Variants in VWA2 observed in about 807,000 individuals in gnomAD.
VWA2 encodes the protein von Willebrand factor A domain-containing protein 2.
A neutral mutation model predicts 70.4 loss-of-function variants in VWA2; 73 were observed. The ratio of observed to expected loss-of-function variants is 1.04; its 90% CI spans 0.86 to 1.26. VWA2 has a LOEUF of 1.26. VWA2 is among the 50% of genes most tolerant of loss of function. The probability of loss-of-function intolerance (pLI) is 0.00; values close to 1 mark genes in which losing one functional copy is unlikely to be tolerated. For missense variants in VWA2, 1,011 were observed against 998.5 expected (o/e 1.01, Z -0.17); for synonymous variants, 407 against 423.3 (o/e 0.96, Z 0.47).
chr10:114,262,538 G>A (rs961441552), intron 5 of VWA2, among the ~76,000 whole-genome samples: 9 of 152,166 alleles, frequency 5.9e-5, no homozygotes, highest in South Asian at 2.1e-4. Context: ...GAAGTCCATG[G>A]TCACAGCCAT....
intron 9 of VWA2, among the ~76,000 whole-genome samples, chr10:114,283,305 T>A (rs939760445): frequency 1.4e-5 from 2 of 143,442 alleles, no homozygotes; most frequent in African/African-American, 2.6e-5. Context: ...CAGCGAGCAG[T>A]TAGACACACA....
At chr10:114,267,387 G>C (rs1010179873) in intron 5 of VWA2, among the ~76,000 whole-genome samples, 1 of 151,758 alleles carries the variant, frequency 6.6e-6, no homozygotes, top group Non-Finnish European at 1.5e-5. Context: ...AAAGTGCTGG[G>C]ATTACAGTTG....
intron 6 of VWA2, among the ~76,000 whole-genome samples, chr10:114,276,880 C>G (rs567335281): frequency 6.6e-6 from 1 of 152,074 alleles, no homozygotes; most frequent in East Asian, 1.9e-4. Context: ...ATCTGAATTA[C>G]CTGGCAGCTT....
Position 114,265,511 on chromosome 10 carries a change from T to C in VWA2, c.371+4216T>C, listed in dbSNP as rs112437031. On this transcript the variant is annotated intron_variant, in intron 5 of 13. Transcript: ENST00000392982. Reference sequence around the variant, plus strand: ...ATTTTACAGAGGAGGATATTGAGGCTAAGAAGAAACAGGGGCCCTGGCCAG... The same window carrying C: ...ATTTTACAGAGGAGGATATTGAGGCCAAGAAGAAACAGGGGCCCTGGCCAG... Among the ~76,000 whole-genome samples, 1,045 of 152,242 alleles carry C rather than the reference T, an allele frequency of 6.9e-3. 10 individuals carry two copies. The highest frequency in any genetic ancestry group is 0.024 in the African/African-American group (996 of 41,542).
At chr10:114,272,964 C>T in intron 6 of VWA2, 30 bp downstream of exon 6, 1 of 1,579,998 alleles carries the variant, frequency 6.3e-7, no homozygotes. Context: ...TGGATCAGCC[C>T]TCAGGTGGTC....
intron 10 of VWA2, 73 bp downstream of exon 10, chr10:114,285,043 C>T (rs750090134): frequency 1.6e-4 from 204 of 1,241,940 alleles, no homozygotes; most frequent in Middle Eastern, 2.3e-4. Context: ...TTTCATTGCA[C>T]GCCCTTCCAG....
intron 5 of VWA2, among the ~76,000 whole-genome samples, chr10:114,271,119 C>CTA (rs1228657582): frequency 1.3e-5 from 2 of 152,158 alleles, no homozygotes; most frequent in Non-Finnish European, 1.5e-5. Flanking sequence ...ATTTCTTCAA[C>CTA]TAGACTGGGA....
intron 8 of VWA2, chr10:114,281,723 G>T (rs781193308): frequency 1.0e-6 from 1 of 985,238 alleles, no homozygotes; most frequent in African/African-American, 1.7e-5. Flanking sequence ...GGGGCACTGC[G>T]GGAGGCCTGG....
chr10:114,289,335 G>A lies in VWA2; in HGVS notation c.1968G>A (p.Arg656=). 1 of 1,614,234 alleles carries A rather than the reference G, an allele frequency of 6.2e-7. No homozygotes were observed. The highest frequency in any genetic ancestry group is 1.3e-5 in the African/African-American group (1 of 75,068). Residue 656 remains arginine, a synonymous_variant, in exon 12 of 14, where the codon AGG becomes AGA. Transcript: ENST00000392982. Reference sequence around the variant, plus strand: ...CAGCCGTTCCTGCCCAGAAGCTGAGGAACAATGGCATCTCTGTCTTGGTCG... The same window carrying A: ...CAGCCGTTCCTGCCCAGAAGCTGAGAAACAATGGCATCTCTGTCTTGGTCG... ...EDAAVPAQKL[R]NNGISVLVVG... is the part of the protein sequence containing the mutation.
chr10:114,268,701 T>TTTTC (rs113386763), intron 5 of VWA2, among the ~76,000 whole-genome samples: 28,190 of 143,818 alleles, frequency 0.2, 3,046 homozygotes, highest in African/African-American at 0.34. Context: ...CTTTTTTCTT[T>TTTTC]TTTTTTTTTT....
chr10:114,259,602 A>G (rs1252443946), intron 4 of VWA2, among the ~76,000 whole-genome samples: 2 of 152,016 alleles, frequency 1.3e-5, no homozygotes, highest in African/African-American at 2.4e-5. Flanking sequence ...TAGAACTTTC[A>G]TATTTAGATT....
chr10:114,261,417 C>T (rs1400385885), intron 5 of VWA2, 122 bp downstream of exon 5: 35 of 647,388 alleles, frequency 5.4e-5, no homozygotes, highest in Non-Finnish European at 9.0e-5. Context: ...TTCAGGAGTC[C>T]AGCTGGGCAC....
intron 1 of VWA2, among the ~76,000 whole-genome samples, chr10:114,242,686 G>C (rs113806977): frequency 7.0e-6 from 1 of 143,256 alleles, no homozygotes; most frequent in Non-Finnish European, 1.5e-5. Flanking sequence ...ACTCTAAGCT[G>C]GGTTTTTCTC....
chr10:114,266,146 AATT>A, intron 5 of VWA2, among the ~76,000 whole-genome samples: 1 of 152,014 alleles, frequency 6.6e-6, no homozygotes, highest in East Asian at 1.9e-4. Flanking sequence ...AAATACAAAA[AATT>A]AGCCGGGCGT....
rs2133744236 is a variant in VWA2 at position 114,291,343 on chromosome 10, C to T, written c.*106C>T. ...CCTACCTTCTGGAATGTCTGTGCCC[C>T]AGGTCCTTAGAATGTCTGCTTCCCG... On this transcript the variant is annotated 3_prime_UTR_variant, in exon 14 of 14. Transcript: ENST00000392982. The T allele has an allele frequency of 2.2e-6, 3 of 1,346,392 alleles. No individual in the cohort carries two copies. Among genetic ancestry groups the T allele is most frequent in the Non-Finnish European group, 3.0e-6 (3 of 1,006,190 alleles). 83.4% of individuals were successfully genotyped at this position (1,346,392 alleles called of 1,614,324 possible). A position where few individuals can be genotyped will look rare whatever the true frequency, so the allele number is the denominator to read the frequency against.
At chr10:114,260,161 A>G (rs2037414123) in intron 4 of VWA2, among the ~76,000 whole-genome samples, 1 of 152,208 alleles carries the variant, frequency 6.6e-6, no homozygotes, top group African/African-American at 2.4e-5. Flanking sequence ...TGGAGAACCA[A>G]TGATTAGGTG....
chr10:114,255,070 G>A, intron 4 of VWA2, 22 bp downstream of exon 4: 1 of 1,609,836 alleles, frequency 6.2e-7, no homozygotes, highest in Non-Finnish European at 8.5e-7. Context: ...TCTTGTGGGT[G>A]TTTGTGTTAG....
intron 1 of VWA2, among the ~76,000 whole-genome samples, chr10:114,241,179 C>T (rs774727457): frequency 2.0e-5 from 3 of 152,202 alleles, no homozygotes; most frequent in Non-Finnish European, 4.4e-5. Context: ...TCCCCCACTG[C>T]AGTGGTACAT....
Position 114,288,963 on chromosome 10 carries a change from C to T in VWA2, c.1596C>T (p.Leu532=), listed in dbSNP as rs199710371. The change falls in exon 12 of 14, where the codon CTC becomes CTT. Residue 532 remains leucine, a synonymous_variant. Transcript: ENST00000392982. ...RPGCRTQALD[L]VFMLDTSASV... ...GGTGCCGGACACAAGCCCTGGACCTCGTCTTCATGTTGGACACCTCTGCCT... is the reference window on the plus strand; with the variant it reads ...GGTGCCGGACACAAGCCCTGGACCTTGTCTTCATGTTGGACACCTCTGCCT... The T allele has an allele frequency of 6.8e-5, 109 of 1,612,166 alleles. No individual in the cohort carries two copies. Among genetic ancestry groups the T allele is most frequent in the Middle Eastern group, 6.6e-4 (4 of 6,052 alleles).
Sources: gnomAD v4.1 joint callset for allele counts (sites outside exome capture counted in the v4.1 genomes callset) on GRCh38, gnomAD v4.1.1 for gene constraint, MANE v1.5 for transcripts, NCBI Gene and HGNC (gene_info 2026-07-23, HGNC 2026-07-21) for gene names.